The following RNF44 variants were observed in gnomAD, a reference collection of about 807,000 sequenced individuals.
RNF44 encodes ring finger protein 44.
In RNF44, 25 loss-of-function variants were observed where a neutral mutation model predicts 53.6. That is an observed-to-expected ratio of 0.47 (90% CI 0.34 to 0.65). The LOEUF (loss-of-function observed/expected upper bound fraction) is 0.65, where lower values mean the gene tolerates loss of function less well. Among genes scored for constraint, RNF44 ranks in the 30% least tolerant of loss-of-function variants. The pLI, the probability that RNF44 is intolerant of heterozygous loss-of-function variation, is 0.01. For missense variants in RNF44, 581 were observed against 595.5 expected (o/e 0.98, Z 0.25); for synonymous variants, 282 against 252.2 (o/e 1.12, Z -1.12).
At chr5:176,543,286 C>T in the RNF44 span, among the ~76,000 whole-genome samples, 1 of 146,696 alleles carries the variant, frequency 6.8e-6, no homozygotes, top group Non-Finnish European at 1.5e-5. The surrounding 1 kb of genome is among the most constrained non-coding windows in gnomAD (Gnocchi z 4.0). Flanking sequence ...GGCTCCACCC[C>T]CACCCGGCGG....
chr5:176,539,644 C>T (rs1487860246), upstream of RNF44, among the ~76,000 whole-genome samples: 2 of 151,754 alleles, frequency 1.3e-5, no homozygotes, highest in African/African-American at 4.8e-5. Flanking sequence ...GCTGAGATTG[C>T]GCCACTGCAC....
rs747553222 is a variant in RNF44 at position 176,529,820 on chromosome 5, T to TAG, written c.927-4_927-3dup. ...GTTGGTGACATTGGCAGCATCGAGC[T>TAG]AGAGAGAGACAAGTGTGGGGGCCCA... On this transcript the variant is annotated splice_polypyrimidine_tract_variant and splice_region_variant and intron_variant, in intron 7 of 10. Coordinates refer to ENST00000274811, the MANE Select transcript of RNF44 (RefSeq NM_014901.5). 7 of 1,595,592 alleles carry TAG rather than the reference T, an allele frequency of 4.4e-6. No homozygotes were observed. In the East Asian group the frequency reaches 1.1e-4, roughly 25 times the overall value.
Position 176,531,851 on chromosome 5 carries a change from C to T in RNF44, c.297+153G>A. 1.1e-6 allele frequency: 1 copy of T among 940,252 alleles called. No homozygotes were observed. The highest frequency in any genetic ancestry group is 1.8e-5 in the South Asian group (1 of 56,854). 58.2% of individuals were successfully genotyped at this position (940,252 alleles called of 1,614,324 possible). On this transcript the variant is annotated intron_variant, in intron 3 of 10. Transcript: ENST00000274811. This position sits in a 1 kb window ranked among gnomAD's most constrained non-coding sequence, Gnocchi z 4.2. ...GCTAGTCACCCAGTGTGGCCCTTTCCCCGGGCCTCAGTTTACCTACCTGTA... is the reference window on the plus strand; with the variant it reads ...GCTAGTCACCCAGTGTGGCCCTTTCTCCGGGCCTCAGTTTACCTACCTGTA...
In RNF44 at chr5:176,529,860, A is replaced by G. The variant is rs764305799; in HGVS notation, c.927-42T>C. On this transcript the variant is annotated intron_variant, in intron 7 of 10. Coordinates refer to ENST00000274811, the MANE Select transcript of RNF44 (RefSeq NM_014901.5). Reference sequence around the variant, plus strand: ...GTGGGGGCCCAGGGTCAAGGTCAGGAGTGGGGCACACAGAGCCGCTCTCCT... The same window carrying G: ...GTGGGGGCCCAGGGTCAAGGTCAGGGGTGGGGCACACAGAGCCGCTCTCCT... 8 of 1,528,146 alleles carry G rather than the reference A, an allele frequency of 5.2e-6. No homozygotes were observed. In the South Asian group the frequency reaches 7.6e-5, roughly 15 times the overall value. 94.7% of individuals were successfully genotyped at this position (1,528,146 alleles called of 1,614,324 possible). A position where few individuals can be genotyped will look rare whatever the true frequency, so the allele number is the denominator to read the frequency against.
In RNF44 at chr5:176,532,123, A is replaced by T; in HGVS notation, c.178T>A (p.Ser60Thr). The change falls in exon 3 of 11, where the codon TCC becomes ACC. Residue 60 changes from serine to threonine, a missense_variant. Ser to Thr is a moderately conservative substitution (Grantham distance 58). Coordinates refer to ENST00000274811, the MANE Select transcript of RNF44 (RefSeq NM_014901.5). Reference protein sequence around the residue: ...DERLPSQQPPSRPPHLPVEER... With the variant: ...DERLPSQQPPTRPPHLPVEER... The stretch of plus-strand genomic sequence containing the variant: ...TCTACGGGGAGGTGTGGAGGTCGGG[A>T]CGGCGGCTGCTGGGAGGGTAAGCGC... The T allele has an allele frequency of 6.3e-7, 1 of 1,582,350 alleles. No individual in the cohort carries two copies. The highest frequency in any genetic ancestry group is 1.2e-5 in the South Asian group (1 of 86,892).
At chr5:176,529,891 C>A in intron 7 of RNF44, 73 bp from the exon 8 acceptor site, 1 of 1,437,354 alleles carries the variant, frequency 7.0e-7, no homozygotes, top group Non-Finnish European at 9.3e-7. Flanking sequence ...CTCCTGACTC[C>A]CTCCTTGCAA....
chr5:176,539,427 C>T (rs971363546), upstream of RNF44, among the ~76,000 whole-genome samples: 1 of 152,188 alleles, frequency 6.6e-6, no homozygotes, highest in African/African-American at 2.4e-5. Context: ...CGGTGGCTCA[C>T]GCCTGTAATC....
rs1442280973 is a variant in RNF44, at chr5:176,530,140, G to C, written c.868C>G (p.Pro290Ala). Reference protein sequence around the residue: ...QRYRLQQPLPPPPPPPPPPPY... With the variant: ...QRYRLQQPLPAPPPPPPPPPY... Reference sequence around the variant, plus strand: ...GGTGGGGGTGGGGGTGGGGGCGGCGGGGGCAGTGGCTGCTGCAGGCGGTAT... The same window carrying C: ...GGTGGGGGTGGGGGTGGGGGCGGCGCGGGCAGTGGCTGCTGCAGGCGGTAT... The change falls in exon 7 of 11, where the codon CCG (proline) becomes GCG (alanine). Residue 290 changes from proline (P) to alanine (A), a missense_variant. Around this residue, in one of 3 missense-constraint regions of RNF44, gnomAD observed 183 missense variants for 198.6 expected, o/e 0.92. Transcript: ENST00000274811. 3 of 1,302,686 alleles carry C rather than the reference G, an allele frequency of 2.3e-6. No individual in the cohort carries two copies. Among genetic ancestry groups the C allele is most frequent in the African/African-American group, 3.1e-5 (2 of 64,292 alleles). 80.7% of individuals were successfully genotyped at this position (1,302,686 alleles called of 1,614,324 possible).
In RNF44 at chr5:176,531,102, C is replaced by T; in HGVS notation, c.466-81G>A. ...CTACGCCATGCCACCCAGCAAAAGG[C>T]CCCCACCGGGCACACACCCAGCAGC... is the stretch of plus-strand genomic sequence containing the variant. On this transcript the variant is annotated intron_variant, in intron 4 of 10. Transcript: ENST00000274811. The surrounding 1 kb of genome is among the most constrained non-coding windows in gnomAD (Gnocchi z 4.2). The T allele has an allele frequency of 1.9e-6, 2 of 1,055,818 alleles. No homozygotes were observed. Among genetic ancestry groups the T allele is most frequent in the Non-Finnish European group, 1.3e-6 (1 of 774,416 alleles). The allele number at this position is 1,055,818 out of a possible 1,614,324, so 65.4% of individuals were successfully genotyped here. A position where few individuals can be genotyped will look rare whatever the true frequency, so the allele number is the denominator to read the frequency against.
rs148872995 is a variant in RNF44 at position 176,530,840 on chromosome 5, C to T, written c.639+8G>A. The T allele has an allele frequency of 6.1e-4, 878 of 1,428,512 alleles. 6 individuals carry two copies. The African/African-American group carries it at 0.012, about 19-fold the overall frequency. 88.5% of individuals were successfully genotyped at this position (1,428,512 alleles called of 1,614,324 possible). On this transcript the variant is annotated splice_region_variant and intron_variant, in intron 5 of 10. Transcript: ENST00000274811. The stretch of plus-strand genomic sequence containing the variant: ...TCTCCCTCCAGCATCGGACCCATGC[C>T]GACTCACCATCCGAGGGTGCTGGGT...
intron 1 of RNF44, among the ~76,000 whole-genome samples, chr5:176,536,679 G>A (rs1397384113): frequency 1.3e-5 from 2 of 152,094 alleles, no homozygotes; most frequent in African/African-American, 4.8e-5. Flanking sequence ...AACAACAAAG[G>A]AAGTGGCGGC....
intron 7 of RNF44, 59 bp downstream of exon 7, chr5:176,530,023 A>T: frequency 7.0e-7 from 1 of 1,438,746 alleles, no homozygotes; most frequent in Admixed American, 2.6e-5. Flanking sequence ...AGGTCTAACC[A>T]CTGGAGGTTC....
chr5:176,539,092 A>C (rs1245052523), upstream of RNF44, among the ~76,000 whole-genome samples: 3 of 152,208 alleles, frequency 2.0e-5, no homozygotes, highest in Non-Finnish European at 4.4e-5. Flanking sequence ...GGGAACAGAC[A>C]TGTTTATGGC....
At position 176,537,384 on chromosome 5, in the gene RNF44, A is replaced by T. The variant is rs1348994474; in HGVS notation, c.-489T>A. On this transcript the variant is annotated 5_prime_UTR_variant, in exon 1 of 11. Coordinates refer to ENST00000274811, the MANE Select transcript of RNF44 (RefSeq NM_014901.5). ...GGCGCGCCGGGAGGCTCCGGCAAAC[A>T]GTAGCCCGCTGCAAGCCCGCAGGGG... The T allele has an allele frequency of 2.0e-5, 3 of 152,128 alleles. No individual in the cohort carries two copies. The East Asian group carries it at 5.8e-4, about 29-fold the overall frequency. 9.4% of individuals were successfully genotyped at this position (152,128 alleles called of 1,614,324 possible). A position where few individuals can be genotyped will look rare whatever the true frequency, so the allele number is the denominator to read the frequency against.
At chr5:176,529,205 G>A (rs778458526) in intron 10 of RNF44, 83 bp downstream of exon 10, 43 of 1,551,076 alleles carry the variant, frequency 2.8e-5, no homozygotes, top group Middle Eastern at 3.3e-4. Context: ...TGATGACAAG[G>A]ACAAGGAGGG....
At chr5:176,540,020 TA>T (rs1262858042), upstream of RNF44, among the ~76,000 whole-genome samples, 3 of 152,230 alleles carry the variant, frequency 2.0e-5, no homozygotes, top group Admixed American at 6.5e-5. Context: ...GCTCTGTTCC[TA>T]ACTCACCTTT....
intron 5 of RNF44, 25 bp from the exon 6 acceptor site, chr5:176,530,768 C>T: frequency 6.6e-7 from 1 of 1,510,348 alleles, no homozygotes; most frequent in Admixed American, 2.4e-5. Flanking sequence ...GCCGGGTCAG[C>T]AAGTCAGTGA....
chr5:176,535,469 C>G (rs1315511481), intron 1 of RNF44, among the ~76,000 whole-genome samples: 1 of 152,158 alleles, frequency 6.6e-6, no homozygotes, highest in East Asian at 1.9e-4. Flanking sequence ...CTGCCAGGAA[C>G]AGGGGTGGCG....
intron 8 of RNF44, 38 bp from the exon 9 acceptor site, chr5:176,529,682 G>C (rs1330329239): frequency 1.2e-6 from 2 of 1,611,884 alleles, no homozygotes; most frequent in Non-Finnish European, 1.7e-6. Flanking sequence ...CGGCGCCCAG[G>C]GCTGCAGGTC....
Sources: gnomAD v4.1 joint callset for allele counts (sites outside exome capture counted in the v4.1 genomes callset) on GRCh38, gnomAD v4.1.1 for gene constraint, gnomAD v4.1.1 regional missense constraint, Gnocchi (gnomAD v3.1) non-coding constraint, MANE v1.5 for transcripts, NCBI Gene and HGNC (gene_info 2026-07-23, HGNC 2026-07-21) for gene names.